Variants in LRMDA observed in about 807,000 individuals in gnomAD.
The protein encoded by LRMDA is leucine rich melanocyte differentiation associated, also known as leucine-rich melanocyte differentiation-associated protein.
Under a neutral mutation model 29.8 loss-of-function variants are expected in LRMDA, and 18 were observed. The ratio of observed to expected loss-of-function variants is 0.60; its 90% CI spans 0.42 to 0.90. LRMDA has a LOEUF of 0.90. Among genes scored for constraint, LRMDA ranks in the 40% least tolerant of loss-of-function variants. The probability of loss-of-function intolerance (pLI) is 0.00; values close to 1 mark genes in which losing one functional copy is unlikely to be tolerated. For missense variants in LRMDA, 273 were observed against 273.9 expected (o/e 1.00, Z 0.02); for synonymous variants, 125 against 109.4 (o/e 1.14, Z -0.89).
rs962179199 is a variant in LRMDA, at chr10:76,251,709, A to G, written c.517-72692A>G. Reference sequence around the variant, plus strand: ...ACCGGACAAGGGAAATGGGTCACCCATTCATTCCCATCTGTCAGAGGTTTG... The same window carrying G: ...ACCGGACAAGGGAAATGGGTCACCCGTTCATTCCCATCTGTCAGAGGTTTG... On this transcript the variant is annotated intron_variant, in intron 5 of 6. Coordinates refer to ENST00000611255, the MANE Select transcript of LRMDA (RefSeq NM_001305581.2). 1.5e-4 allele frequency among the ~76,000 whole-genome samples: 23 copies of G among 152,318 alleles called. 1 individual carries two copies. In the South Asian group the frequency reaches 1.9e-3, roughly 12 times the overall value.
chr10:76,084,364 A>ATTTTTT lies in LRMDA; in HGVS notation c.516+25607_516+25612dup, dbSNP rs71024586. Among the ~76,000 whole-genome samples, 108 of 70,938 alleles carry ATTTTTT rather than the reference A, an allele frequency of 1.5e-3. 1 individual carries two copies. The highest frequency in any genetic ancestry group is 2.3e-3 in the Non-Finnish European group (89 of 38,662). 46.5% of individuals were successfully genotyped at this position (70,938 alleles called of 152,430 possible). ...GGGTATGTGCCACTGCGCCCAGCTA[A>ATTTTTT]TTTTTTTTTTTTTTTTTTTTTTTTT... On this transcript the variant is annotated intron_variant, in intron 5 of 6. Coordinates refer to ENST00000611255, the MANE Select transcript of LRMDA (RefSeq NM_001305581.2).
At chr10:75,449,495 A>C (rs1382484675) in intron 2 of LRMDA, among the ~76,000 whole-genome samples, 1 of 147,626 alleles carries the variant, frequency 6.8e-6, no homozygotes, top group Non-Finnish European at 1.5e-5. Context: ...GCCTGTATTT[A>C]CTTTTGGGTG....
At position 75,874,535 on chromosome 10, in the gene LRMDA, TG is replaced by T. The variant is rs1845165157; in HGVS notation, c.132-161471del. Among the ~76,000 whole-genome samples, 7 of 152,348 alleles carry T rather than the reference TG, an allele frequency of 4.6e-5. No individual in the cohort carries two copies. The South Asian group carries it at 1.5e-3, about 32-fold the overall frequency. On this transcript the variant is annotated intron_variant, in intron 2 of 6. Coordinates refer to ENST00000611255, the MANE Select transcript of LRMDA (RefSeq NM_001305581.2). ...GCAGCTCTGTGATTTTGGTCCAACATGGAGTAGTGACCCTACTTCGTGAATG... is the reference window on the plus strand; with the variant it reads ...GCAGCTCTGTGATTTTGGTCCAACATGAGTAGTGACCCTACTTCGTGAATG...
At chr10:76,482,275 C>G in intron 6 of LRMDA, among the ~76,000 whole-genome samples, 1 of 151,852 alleles carries the variant, frequency 6.6e-6, no homozygotes, top group East Asian at 1.9e-4. Context: ...ATTGAATGTT[C>G]ACAAAGTGAA....
chr10:75,673,826 T>C (rs1483400001), intron 2 of LRMDA, among the ~76,000 whole-genome samples: 1 of 152,184 alleles, frequency 6.6e-6, no homozygotes, highest in African/African-American at 2.4e-5. Context: ...CTTTATAACT[T>C]CCCATCTTTT....
At position 76,239,384 on chromosome 10, in the gene LRMDA, G is replaced by T. The variant is rs192448307; in HGVS notation, c.517-85017G>T. ...TAAAAAAAGAATAATAATTCCATAG[G>T]GCTTTTCAATACCCAGTCCATATTC... is the stretch of plus-strand genomic sequence containing the variant. On this transcript the variant is annotated intron_variant, in intron 5 of 6. Transcript: ENST00000611255. Among the ~76,000 whole-genome samples, 501 of 152,236 alleles carry T rather than the reference G, an allele frequency of 3.3e-3. 3 individuals are homozygous for T. The highest frequency in any genetic ancestry group is 6.7e-3 in the Admixed American group (102 of 15,296).
intron 2 of LRMDA, among the ~76,000 whole-genome samples, chr10:75,957,141 A>G (rs777318864): frequency 4.7e-4 from 72 of 152,232 alleles, no homozygotes; most frequent in Non-Finnish European, 9.3e-4. Flanking sequence ...AAATGCACTG[A>G]TGATGGCACA....
chr10:75,942,113 T>C (rs1209522562), intron 2 of LRMDA, among the ~76,000 whole-genome samples: 1 of 152,126 alleles, frequency 6.6e-6, no homozygotes, highest in African/African-American at 2.4e-5. Context: ...CTTCTTTGGC[T>C]CCTCTGACTC....
At chr10:76,072,393 T>C (rs1848889413) in intron 5 of LRMDA, among the ~76,000 whole-genome samples, 1 of 152,212 alleles carries the variant, frequency 6.6e-6, no homozygotes, top group Non-Finnish European at 1.5e-5. Flanking sequence ...TCTGCAGTGC[T>C]GATAGATAAG....
At chr10:76,207,824 C>T (rs1260944387) in intron 5 of LRMDA, among the ~76,000 whole-genome samples, 3 of 152,004 alleles carry the variant, frequency 2.0e-5, no homozygotes, top group East Asian at 1.9e-4. Flanking sequence ...GTTAGCTGGG[C>T]GTGGTGGCAC....
chr10:75,693,262 A>G (rs1198630528), intron 2 of LRMDA, among the ~76,000 whole-genome samples: 1 of 152,148 alleles, frequency 6.6e-6, no homozygotes, highest in Admixed American at 6.6e-5. Context: ...CAAATAAATT[A>G]TCTCCTATTT....
rs180751457 is a variant in LRMDA at position 76,281,542 on chromosome 10, A to G, written c.517-42859A>G. 2.2e-3 allele frequency among the ~76,000 whole-genome samples: 342 copies of G among 152,206 alleles called. 6 individuals carry two copies. Among genetic ancestry groups the G allele is most frequent in the Non-Finnish European group, 1.8e-3 (122 of 68,012 alleles). ...TGTGTTCCCCAAATCCACATCCTTT[A>G]TACTCACCTGGACAACTACCATTCC... On this transcript the variant is annotated intron_variant, in intron 5 of 6. Coordinates refer to ENST00000611255, the MANE Select transcript of LRMDA (RefSeq NM_001305581.2).
At chr10:75,827,729 G>C (rs1203043784) in intron 2 of LRMDA, among the ~76,000 whole-genome samples, 1 of 152,222 alleles carries the variant, frequency 6.6e-6, no homozygotes, top group African/African-American at 2.4e-5. Context: ...CGCATATGTT[G>C]CAGAATGTAC....
intron 5 of LRMDA, among the ~76,000 whole-genome samples, chr10:76,083,275 C>T (rs1303155021): frequency 6.6e-6 from 1 of 152,182 alleles, no homozygotes; most frequent in African/African-American, 2.4e-5. Context: ...CTGCCCTAAT[C>T]ATCCCAGGAC....
At chr10:76,166,722 A>G (rs956063129) in intron 5 of LRMDA, among the ~76,000 whole-genome samples, 9 of 152,056 alleles carry the variant, frequency 5.9e-5, no homozygotes, top group African/African-American at 2.2e-4. Context: ...TCTACCATTC[A>G]TGGGCATTAG....
At chr10:75,494,515 CTTTTTTTT>C (rs34902194) in intron 2 of LRMDA, among the ~76,000 whole-genome samples, 6 of 102,872 alleles carry the variant, frequency 5.8e-5, no homozygotes, top group South Asian at 6.8e-4. Context: ...ATGTTTGTTC[CTTTTTTTT>C]TTTTTTTTTT....
At chr10:76,274,310 TG>T (rs1840102975) in intron 5 of LRMDA, among the ~76,000 whole-genome samples, 1 of 152,168 alleles carries the variant, frequency 6.6e-6, no homozygotes, top group Non-Finnish European at 1.5e-5. Context: ...GTTGTGAAAA[TG>T]GTGTTTTTAC....
At chr10:76,398,093 C>A (rs1841808050) in intron 6 of LRMDA, among the ~76,000 whole-genome samples, 1 of 152,190 alleles carries the variant, frequency 6.6e-6, no homozygotes, top group African/African-American at 2.4e-5. Context: ...CCGAGCAGGT[C>A]TGCGGCTCCT....
chr10:76,292,762 C>T (rs1840357885), intron 5 of LRMDA, among the ~76,000 whole-genome samples: 1 of 151,584 alleles, frequency 6.6e-6, no homozygotes, highest in African/African-American at 2.4e-5. Flanking sequence ...TGACTGACAC[C>T]AGAAAGCCGT....
Sources: allele counts gnomAD v4.1 joint callset (sites outside exome capture counted in the v4.1 genomes callset), GRCh38; gene constraint gnomAD v4.1.1; transcripts MANE v1.5; gene names NCBI Gene and HGNC (gene_info 2026-07-23, HGNC 2026-07-21).